SLC9A4: variants seen among roughly 807,000 people sequenced by gnomAD.
SLC9A4 encodes solute carrier family 9 member A4.
A neutral mutation model predicts 67.4 loss-of-function variants in SLC9A4; 63 were observed. The ratio of observed to expected loss-of-function variants is 0.93; its 90% CI spans 0.76 to 1.15. SLC9A4 has a LOEUF of 1.15. Among genes scored for constraint, SLC9A4 ranks in the 50% most tolerant of loss-of-function variants. The pLI, the probability that SLC9A4 is intolerant of heterozygous loss-of-function variation, is 0.00. For synonymous variants in SLC9A4, 393 were observed against 367.2 expected (o/e 1.07, Z -0.80); for missense variants, 1,089 against 987.7 (o/e 1.10, Z -1.38).
At chr2:102,488,790 A>T (rs1205407110) in intron 2 of SLC9A4, among the ~76,000 whole-genome samples, 1 of 151,976 alleles carries the variant, frequency 6.6e-6, no homozygotes, top group East Asian at 1.9e-4. Context: ...CTTGTGATCC[A>T]CCCACATCAG....
At chr2:102,521,704 T>C (rs1198107752) in intron 9 of SLC9A4, among the ~76,000 whole-genome samples, 1 of 152,228 alleles carries the variant, frequency 6.6e-6, no homozygotes, top group East Asian at 1.9e-4. Context: ...ACTCTGTTTC[T>C]AGCAGACAAT....
chr2:102,478,930 C>CACCG lies in SLC9A4; in HGVS notation c.352_355dup (p.His119ArgfsTer36). 6.2e-7 allele frequency: 1 copy of CACCG among 1,614,102 alleles called. No individual in the cohort carries two copies. Among genetic ancestry groups the CACCG allele is most frequent in the Non-Finnish European group, 8.5e-7 (1 of 1,179,972 alleles). ...CGCTGGTGGGCGGCATCATCTTCGGCACCGACCACAAATCGCCTCCGGTCA... is the reference window on the plus strand; with the variant it reads ...CGCTGGTGGGCGGCATCATCTTCGGCACCGACCGACCACAAATCGCCTCCGGTCA... On this transcript the variant is annotated frameshift_variant, in exon 2 of 12. Transcript: ENST00000295269. LOFTEE classifies it high-confidence loss of function.
At chr2:102,507,006 C>G (rs531764045) in intron 4 of SLC9A4, among the ~76,000 whole-genome samples, 1 of 152,096 alleles carries the variant, frequency 6.6e-6, no homozygotes, top group Non-Finnish European at 1.5e-5. Context: ...TTCACACTCG[C>G]GAAGGCTTGC....
chr2:102,510,276 T>TACAG (rs1553413619), intron 6 of SLC9A4, among the ~76,000 whole-genome samples: 15,373 of 143,010 alleles, frequency 0.11, 891 homozygotes, highest in African/African-American at 0.17. Context: ...CAGATACAGA[T>TACAG]ATAGATATAG....
chr2:102,478,276 A>G (rs1684374754), intron 1 of SLC9A4, among the ~76,000 whole-genome samples: 1 of 152,366 alleles, frequency 6.6e-6, no homozygotes, highest in South Asian at 2.1e-4. Flanking sequence ...GAGTCATGAC[A>G]TAAGAAATAA....
Position 102,519,728 on chromosome 2 carries a change from A to T in SLC9A4, c.1722-131A>T, listed in dbSNP as rs953885527. ...CATCAAACCAACTTACTAGAACAAT[A>T]GGAAAAATTATATGTAGGATTCTGG... is the stretch of plus-strand genomic sequence containing the variant. On this transcript the variant is annotated intron_variant, in intron 8 of 11. Transcript: ENST00000295269. The T allele has an allele frequency of 7.0e-6, 5 of 717,762 alleles. No individual in the cohort carries two copies. In the African/African-American group the frequency reaches 9.1e-5, roughly 13 times the overall value. The allele number at this position is 717,762 out of a possible 1,614,324, so 44.5% of individuals were successfully genotyped here.
Position 102,508,249 on chromosome 2 carries a change from C to G in SLC9A4, c.1369C>G (p.Leu457Val), listed in dbSNP as rs189214071. 1.9e-6 allele frequency: 3 copies of G among 1,613,812 alleles called. No homozygotes were observed. The highest frequency in any genetic ancestry group is 3.3e-5 in the Admixed American group (2 of 60,004). ...PRKKMFVTATLVVIYFTVFIQ... is the reference protein window; with the variant it reads ...PRKKMFVTATVVVIYFTVFIQ... Reference sequence around the variant, plus strand: ...GAAGAAAATGTTTGTCACTGCTACTCTAGTAGTTATATACTTTACTGTATT... The same window carrying G: ...GAAGAAAATGTTTGTCACTGCTACTGTAGTAGTTATATACTTTACTGTATT... Residue 457 changes from leucine (L) to valine (V), a missense_variant, in exon 5 of 12, where the codon CTA becomes GTA. Coordinates refer to ENST00000295269, the MANE Select transcript of SLC9A4 (RefSeq NM_001011552.4).
intron 2 of SLC9A4, among the ~76,000 whole-genome samples, chr2:102,498,894 A>T (rs1313128160): frequency 6.6e-6 from 1 of 152,334 alleles, no homozygotes; most frequent in East Asian, 1.9e-4. Context: ...TCCTTCATGG[A>T]TCAGACACTC....
chr2:102,503,867 T>C (rs1684996027), intron 3 of SLC9A4, among the ~76,000 whole-genome samples, 160 bp downstream of exon 3: 2 of 152,112 alleles, frequency 1.3e-5, no homozygotes, highest in Admixed American at 1.3e-4. Flanking sequence ...CTGATTCGGG[T>C]TCTTTGTCAA....
intron 11 of SLC9A4, among the ~76,000 whole-genome samples, chr2:102,530,142 G>A (rs1674749270): frequency 6.6e-6 from 1 of 152,138 alleles, no homozygotes; most frequent in South Asian, 2.1e-4. Flanking sequence ...GTGGAGGTGG[G>A]GAGTGTTGCA....
chr2:102,532,230 A>C, intron 11 of SLC9A4, 100 bp from the exon 12 acceptor site: 4 of 1,312,192 alleles, frequency 3.0e-6, no homozygotes, highest in Non-Finnish European at 4.2e-6. Context: ...AACCTCAGGA[A>C]GAGCTTTGCT....
intron 2 of SLC9A4, among the ~76,000 whole-genome samples, chr2:102,482,697 G>C (rs1242433616): frequency 6.6e-6 from 1 of 152,150 alleles, no homozygotes; most frequent in Non-Finnish European, 1.5e-5. Flanking sequence ...CAATGTCCTG[G>C]AGGGTGTTTA....
intron 2 of SLC9A4, 75 bp downstream of exon 2, chr2:102,479,377 G>T: frequency 6.9e-7 from 1 of 1,454,128 alleles, no homozygotes; most frequent in South Asian, 1.3e-5. Context: ...GGAGGCTGTG[G>T]AGACGGCTCC....
chr2:102,480,532 G>C (rs1684438511), intron 2 of SLC9A4, among the ~76,000 whole-genome samples: 1 of 152,028 alleles, frequency 6.6e-6, no homozygotes, highest in Admixed American at 6.6e-5. Context: ...GCAGTTTCCT[G>C]ATGAATGCGT....
intron 2 of SLC9A4, among the ~76,000 whole-genome samples, chr2:102,498,588 T>C (rs2104428373): frequency 6.6e-6 from 1 of 151,944 alleles, no homozygotes; most frequent in South Asian, 2.1e-4. Context: ...GTGTGACTCC[T>C]CACTGTGGCT....
At chr2:102,491,949 CAA>C (rs1016600201) in intron 2 of SLC9A4, among the ~76,000 whole-genome samples, 3 of 152,128 alleles carry the variant, frequency 2.0e-5, no homozygotes, top group Non-Finnish European at 4.4e-5. Flanking sequence ...AGAAATTGAC[CAA>C]AATGAAGGGG....
At chr2:102,495,619 A>G (rs1052093495) in intron 2 of SLC9A4, among the ~76,000 whole-genome samples, 18 of 152,194 alleles carry the variant, frequency 1.2e-4, no homozygotes, top group African/African-American at 4.3e-4. Context: ...TAATGCCACG[A>G]TAATTATAAT....
At position 102,473,859 on chromosome 2, in the gene SLC9A4, G is replaced by T. The variant is rs1390591346; in HGVS notation, c.100G>T (p.Ala34Ser). ...AGCATCTTCTGATTTGAATGAATCT[G>T]CAAATTCCACTGCTCAGTATGCATC... ...SEASSDLNES[A>S]NSTAQYASNA... The change falls in exon 1 of 12, where the codon GCA (alanine) becomes TCA (serine). Residue 34 changes from alanine to serine, a missense_variant. Physicochemically the swap from Ala to Ser is moderately conservative, Grantham distance 99. Transcript: ENST00000295269. 10 of 1,613,968 alleles carry T rather than the reference G, an allele frequency of 6.2e-6. No homozygotes were observed. The highest frequency in any genetic ancestry group is 2.7e-5 in the African/African-American group (2 of 74,904).
intron 2 of SLC9A4, among the ~76,000 whole-genome samples, chr2:102,495,857 T>G (rs2104426461): frequency 6.6e-6 from 1 of 152,222 alleles, no homozygotes; most frequent in African/African-American, 2.4e-5. Flanking sequence ...ATTTAAAAAT[T>G]AACACAACAT....
Sources: allele counts gnomAD v4.1 joint callset (sites outside exome capture counted in the v4.1 genomes callset), GRCh38; gene constraint gnomAD v4.1.1; transcripts MANE v1.5; gene names NCBI Gene and HGNC (gene_info 2026-07-23, HGNC 2026-07-21).